The following MICAL2 variants were observed in gnomAD, a reference collection of about 807,000 sequenced individuals.
The protein encoded by MICAL2 is microtubule associated monooxygenase, calponin and LIM domain containing 2, also known as [F-actin]-monooxygenase MICAL2.
Under a neutral mutation model 127.3 loss-of-function variants are expected in MICAL2, and 77 were observed. That is an observed-to-expected ratio of 0.60 (90% CI 0.50 to 0.73). The LOEUF (loss-of-function observed/expected upper bound fraction) is 0.73. Ranked by LOEUF, MICAL2 falls within the 30% of genes least tolerant of loss-of-function variation. The probability of loss-of-function intolerance (pLI) is 0.00; values close to 1 mark genes in which losing one functional copy is unlikely to be tolerated. For synonymous variants in MICAL2, 570 were observed against 551.1 expected (o/e 1.03, Z -0.48); for missense variants, 1,351 against 1,434.4 (o/e 0.94, Z 0.94).
chr11:12,339,741 G>A (rs1938828285), intron 32 of MICAL2, among the ~76,000 whole-genome samples: 1 of 152,210 alleles, frequency 6.6e-6, no homozygotes, highest in Admixed American at 6.5e-5. Context: ...GGTATCAGCA[G>A]TGGTGGCTGC....
downstream of MICAL2, among the ~76,000 whole-genome samples, chr11:12,360,092 T>A (rs1267033503): frequency 6.9e-6 from 1 of 144,302 alleles, no homozygotes; most frequent in African/African-American, 2.6e-5. Context: ...TCTTTTTCCT[T>A]TTCTTTCCTT....
intron 32 of MICAL2, among the ~76,000 whole-genome samples, chr11:12,348,639 T>C (rs1938995551): frequency 6.6e-6 from 1 of 152,230 alleles, no homozygotes; most frequent in South Asian, 2.1e-4. Flanking sequence ...ATATTATTTA[T>C]CTTAGACTAT....
intron 4 of MICAL2, among the ~76,000 whole-genome samples, chr11:12,206,150 A>G (rs1232815110): frequency 1.3e-5 from 2 of 152,166 alleles, no homozygotes; most frequent in Non-Finnish European, 2.9e-5. Flanking sequence ...GGAAGAATGT[A>G]TGTCGGTTAC....
At chr11:12,234,950 G>T (rs1858821244) in intron 15 of MICAL2, among the ~76,000 whole-genome samples, 1 of 152,304 alleles carries the variant, frequency 6.6e-6, no homozygotes, top group Middle Eastern at 3.4e-3. Flanking sequence ...CATCCAAAAT[G>T]GTAGAAAGGC....
intron 1 of MICAL2, among the ~76,000 whole-genome samples, chr11:12,277,012 A>C (rs1863728573): frequency 2.0e-5 from 3 of 152,168 alleles, no homozygotes; most frequent in Admixed American, 1.3e-4. Flanking sequence ...CCAGCCCCAA[A>C]GCGAGTGACT....
downstream of MICAL2, among the ~76,000 whole-genome samples, chr11:12,295,982 C>T (rs1339820482): frequency 1.3e-5 from 2 of 151,954 alleles, no homozygotes; most frequent in Admixed American, 1.3e-4. Flanking sequence ...AAAATGTAGG[C>T]TTTTTAAATA....
intron 29 of MICAL2, among the ~76,000 whole-genome samples, chr11:12,313,363 C>A: frequency 6.6e-6 from 1 of 151,870 alleles, no homozygotes; most frequent in East Asian, 1.9e-4. Flanking sequence ...CTATGAATAA[C>A]CGCGGGGGGA....
chr11:12,322,856 C>T (rs1864314611), intron 30 of MICAL2, among the ~76,000 whole-genome samples: 1 of 152,104 alleles, frequency 6.6e-6, no homozygotes, highest in African/African-American at 2.4e-5. Flanking sequence ...GAGTGTTCTT[C>T]CCATGTCTTT....
At chr11:12,279,591 A>T (rs555267805) in intron 1 of MICAL2, among the ~76,000 whole-genome samples, 77 of 152,228 alleles carry the variant, frequency 5.1e-4, no homozygotes, top group African/African-American at 1.8e-3. Context: ...AGGCAAATGC[A>T]TCGGCTCGTC....
upstream of MICAL2, among the ~76,000 whole-genome samples, chr11:12,273,496 C>G (rs1160307219): frequency 6.6e-6 from 1 of 151,536 alleles, no homozygotes; most frequent in African/African-American, 2.4e-5. Flanking sequence ...TCCACACGCA[C>G]CAGGGGCTAC....
upstream of MICAL2, among the ~76,000 whole-genome samples, chr11:12,272,784 T>A (rs1863687095): frequency 6.6e-6 from 1 of 152,160 alleles, no homozygotes; most frequent in African/African-American, 2.4e-5. Flanking sequence ...GTGCCCTCAA[T>A]CAGGGACCCT....
intron 15 of MICAL2, among the ~76,000 whole-genome samples, chr11:12,230,716 C>CA (rs1176551730): frequency 6.6e-6 from 1 of 151,048 alleles, no homozygotes; most frequent in East Asian, 2.0e-4. Context: ...TTCTTCTTTC[C>CA]CCCCCCATCT....
At chr11:12,167,870 G>A (rs1855706402) in intron 3 of MICAL2, among the ~76,000 whole-genome samples, 1 of 152,164 alleles carries the variant, frequency 6.6e-6, no homozygotes, top group Non-Finnish European at 1.5e-5. Flanking sequence ...GTGAGCTTGA[G>A]TAAATCCAAT....
intron 1 of MICAL2, among the ~76,000 whole-genome samples, chr11:12,279,328 G>A (rs1345092600): frequency 1.3e-5 from 2 of 152,150 alleles, no homozygotes; most frequent in Admixed American, 1.3e-4. Context: ...AGTAGATGTG[G>A]GGAGAACATG....
At chr11:12,293,995 G>A (rs1487501940), downstream of MICAL2, 1 of 1,614,190 alleles carries the variant, frequency 6.2e-7, no homozygotes, top group African/African-American at 1.3e-5. Flanking sequence ...AGGAGCAGAA[G>A]ACCATGTTGT....
Position 12,239,556 on chromosome 11 carries a change from A to G in MICAL2, c.2185A>G (p.Ser729Gly), listed in dbSNP as rs1859576463. ...ANQLLAKFEE[S>G]TRNPSLMKQE... is the part of the protein sequence containing the mutation. The stretch of plus-strand genomic sequence containing the variant: ...TCAGCTGCTGGCCAAGTTTGAGGAG[A>G]GCACTCGGAACCCCTCACTCATGAA... The change falls in exon 17 of 28, where the codon AGC (serine) becomes GGC (glycine). Residue 729 changes from serine to glycine, a missense_variant. Coordinates refer to ENST00000683283, the MANE Select transcript of MICAL2 (RefSeq NM_001282663.2). The G allele has an allele frequency of 3.7e-6, 6 of 1,614,214 alleles. No individual in the cohort carries two copies. Among genetic ancestry groups the G allele is most frequent in the Non-Finnish European group, 5.1e-6 (6 of 1,180,036 alleles).
intron 1 of MICAL2, among the ~76,000 whole-genome samples, chr11:12,119,550 G>A (rs995069507): frequency 1.3e-5 from 2 of 152,190 alleles, no homozygotes; most frequent in Admixed American, 6.5e-5. Flanking sequence ...TGTCTAGGCC[G>A]AGACAGATGG....
chr11:12,176,317 TC>T (rs1856835208), intron 3 of MICAL2, among the ~76,000 whole-genome samples: 1 of 152,164 alleles, frequency 6.6e-6, no homozygotes, highest in African/African-American at 2.4e-5. Context: ...TCTTGGAGCC[TC>T]TGATTCTTCA....
At chr11:12,161,900 G>T in intron 2 of MICAL2, 179 bp from the exon 3 acceptor site, 1 of 526,804 alleles carries the variant, frequency 1.9e-6, no homozygotes, top group South Asian at 2.2e-5. Flanking sequence ...ATGCCACATC[G>T]ACAGGCCAAA....
Sources: allele counts gnomAD v4.1 joint callset (sites outside exome capture counted in the v4.1 genomes callset), GRCh38; gene constraint gnomAD v4.1.1; transcripts MANE v1.5; gene names NCBI Gene and HGNC (gene_info 2026-07-23, HGNC 2026-07-21).